GALNT14: variants seen among roughly 807,000 people sequenced by gnomAD.
The protein encoded by GALNT14 is polypeptide N-acetylgalactosaminyltransferase 14.
In GALNT14, 60 loss-of-function variants were observed where a neutral mutation model predicts 77.5. The observed-to-expected ratio is 0.77, with a 90% CI of 0.63 to 0.96. GALNT14 has a LOEUF of 0.96. GALNT14 is among the 40% of genes least tolerant of loss of function. GALNT14 has a pLI of 0.00. For synonymous variants in GALNT14, 280 were observed against 281.7 expected (o/e 0.99, Z 0.06); for missense variants, 710 against 731.0 (o/e 0.97, Z 0.33).
intron 1 of GALNT14, among the ~76,000 whole-genome samples, chr2:31,066,374 C>A (rs953042392): frequency 6.6e-6 from 1 of 151,232 alleles, no homozygotes; most frequent in Admixed American, 6.6e-5. Flanking sequence ...CTCACCCACA[C>A]CACCGGAGAC....
Position 30,955,704 on chromosome 2 carries a change from C to T in GALNT14, c.568G>A (p.Ala190Thr), listed in dbSNP as rs1457685902. Residue 190 changes from alanine to threonine, a missense_variant, in exon 6 of 15, where the codon GCC becomes ACC. By Grantham distance (58) the Ala-to-Thr change is moderately conservative (BLOSUM62 0). Transcript: ENST00000349752. The stretch of plus-strand genomic sequence containing the variant: ...AGGAAAGTCAGAGTGGTGCCCTGGG[C>T]GATGTCAGCGCCCCGAATCCGGGAC... ...VRSRIRGADI[A>T]QGTTLTFLDS... 25 of 1,614,026 alleles carry T rather than the reference C, an allele frequency of 1.5e-5. No individual in the cohort carries two copies. Among genetic ancestry groups the T allele is most frequent in the Admixed American group, 5.0e-5 (3 of 60,008 alleles).
intron 13 of GALNT14, among the ~76,000 whole-genome samples, chr2:30,921,785 G>C (rs149423479): frequency 6.0e-4 from 91 of 152,290 alleles, no homozygotes; most frequent in African/African-American, 2.1e-3. Flanking sequence ...GGGGCATTTG[G>C]TCATGTGTGA....
chr2:30,887,104 C>T, the GALNT14 span, among the ~76,000 whole-genome samples: 1 of 152,074 alleles, frequency 6.6e-6, no homozygotes, highest in Non-Finnish European at 1.5e-5. Flanking sequence ...TATACACCAC[C>T]ATTTGTTTAT....
At chr2:30,962,308 T>C (rs1306406956) in intron 3 of GALNT14, among the ~76,000 whole-genome samples, 2 of 152,246 alleles carry the variant, frequency 1.3e-5, no homozygotes, top group African/African-American at 4.8e-5. Context: ...ATCACACACC[T>C]GTTAAGGGCA....
intron 1 of GALNT14, among the ~76,000 whole-genome samples, chr2:30,999,580 G>A (rs541479551): frequency 1.3e-5 from 2 of 152,288 alleles, no homozygotes; most frequent in Non-Finnish European, 2.9e-5. Context: ...AAACACAGTG[G>A]AGACCCTGCC....
At chr2:31,022,306 G>A (rs7579017) in intron 1 of GALNT14, among the ~76,000 whole-genome samples, 65,488 of 152,108 alleles carry the variant, frequency 0.43, 14,210 homozygotes, top group East Asian at 0.56. Flanking sequence ...AAATATGGGC[G>A]TGTACCCCTC....
At chr2:31,124,879 C>A (rs1300538639) in intron 1 of GALNT14, among the ~76,000 whole-genome samples, 1 of 152,186 alleles carries the variant, frequency 6.6e-6, no homozygotes, top group African/African-American at 2.4e-5. Flanking sequence ...TCACCTCTCC[C>A]CTGGAAGCCT....
At chr2:30,982,713 G>A (rs189234558) in intron 2 of GALNT14, among the ~76,000 whole-genome samples, 2 of 152,308 alleles carry the variant, frequency 1.3e-5, no homozygotes, top group East Asian at 3.9e-4. Flanking sequence ...ACTTGATGTA[G>A]GTACTTGATG....
intron 9 of GALNT14, among the ~76,000 whole-genome samples, chr2:30,936,916 G>C (rs1223430225): frequency 6.6e-6 from 1 of 152,194 alleles, no homozygotes. Flanking sequence ...AGAGCAACTA[G>C]TGTCTGATGG....
At chr2:31,030,339 GA>G (rs1419980769) in intron 1 of GALNT14, among the ~76,000 whole-genome samples, 1 of 150,454 alleles carries the variant, frequency 6.6e-6, no homozygotes, top group African/African-American at 2.4e-5. Flanking sequence ...GGGCTGGATG[GA>G]AAAAAAAATC....
chr2:31,016,815 G>A (rs972589249), intron 1 of GALNT14, among the ~76,000 whole-genome samples: 2 of 152,120 alleles, frequency 1.3e-5, no homozygotes, highest in Non-Finnish European at 2.9e-5. Flanking sequence ...CCTCCTGGGA[G>A]TGCTCTCATT....
At chr2:30,938,075 G>A (rs1482997185) in intron 9 of GALNT14, among the ~76,000 whole-genome samples, 1 of 148,004 alleles carries the variant, frequency 6.8e-6, no homozygotes, top group African/African-American at 2.5e-5. Flanking sequence ...ACTCAGGAGA[G>A]CCGAGCCTGG....
chr2:30,937,071 G>A (rs1344249574), intron 9 of GALNT14, among the ~76,000 whole-genome samples: 1 of 152,218 alleles, frequency 6.6e-6, no homozygotes, highest in Non-Finnish European at 1.5e-5. Flanking sequence ...TGGGGGAAAA[G>A]CTGACTTGCT....
intron 2 of GALNT14, among the ~76,000 whole-genome samples, chr2:30,969,661 C>T (rs998895024): frequency 2.0e-5 from 3 of 152,128 alleles, no homozygotes; most frequent in Non-Finnish European, 4.4e-5. Flanking sequence ...AAATGGGGCA[C>T]AGAATTCCAG....
At chr2:31,122,630 C>G (rs1164238486) in intron 1 of GALNT14, among the ~76,000 whole-genome samples, 1 of 152,186 alleles carries the variant, frequency 6.6e-6, no homozygotes, top group East Asian at 1.9e-4. Flanking sequence ...GACACTAACC[C>G]TTCTGGCCCA....
intron 1 of GALNT14, among the ~76,000 whole-genome samples, chr2:31,107,316 T>C (rs917006648): frequency 2.6e-5 from 4 of 152,080 alleles, no homozygotes; most frequent in African/African-American, 9.7e-5. Flanking sequence ...ATATCCAGGA[T>C]GTGTATTTTT....
rs116305298 is a variant in GALNT14, at chr2:31,031,789, A to G, written c.130-38782T>C. ...ACTTTGAGTGCAGGATCTTGGCTAC[A>G]CATTCCAACTTCCATGGAGGGGCAG... On this transcript the variant is annotated intron_variant, in intron 1 of 14. Transcript: ENST00000349752. Among the ~76,000 whole-genome samples, 131 of 152,304 alleles carry G rather than the reference A, an allele frequency of 8.6e-4. 2 individuals are homozygous for G. The highest frequency in any genetic ancestry group is 3.1e-3 in the African/African-American group (128 of 41,564).
At chr2:31,107,050 GTGTGCTTTCC>G (rs1677594080) in intron 1 of GALNT14, among the ~76,000 whole-genome samples, 2 of 152,198 alleles carry the variant, frequency 1.3e-5, no homozygotes, top group Admixed American at 6.5e-5. Flanking sequence ...AAAAATATTT[GTGTGCTTTCC>G]TGTATGTTAT....
chr2:30,936,446 A>G (rs17010487), intron 9 of GALNT14, among the ~76,000 whole-genome samples: 3,441 of 152,284 alleles, frequency 0.023, 56 homozygotes, highest in Admixed American at 0.052. Flanking sequence ...ACACGTGGGT[A>G]CTACATTTTA....
Sources: allele counts gnomAD v4.1 joint callset (sites outside exome capture counted in the v4.1 genomes callset), GRCh38; gene constraint gnomAD v4.1.1; transcripts MANE v1.5; gene names NCBI Gene and HGNC (gene_info 2026-07-23, HGNC 2026-07-21).